Variants in TMC1 observed in about 807,000 individuals in gnomAD.
TMC1 encodes the protein transmembrane channel like 1, also known as transmembrane channel-like protein 1.
In TMC1, 84 loss-of-function variants were observed where a neutral mutation model predicts 105.8. The observed-to-expected ratio is 0.79, with a 90% CI of 0.67 to 0.95. The LOEUF is 0.95. TMC1 is among the 40% of genes least tolerant of loss of function. TMC1 has a pLI of 0.00. For missense variants in TMC1, 817 were observed against 914.1 expected (o/e 0.89, Z 1.37); for synonymous variants, 315 against 311.5 (o/e 1.01, Z -0.12).
chr9:72,540,440 C>T (rs1044888784), intron 1 of TMC1, among the ~76,000 whole-genome samples: 1 of 152,072 alleles, frequency 6.6e-6, no homozygotes, highest in African/African-American at 2.4e-5. Context: ...GCAGACAGAC[C>T]AGCTTTCTGC....
intron 1 of TMC1, among the ~76,000 whole-genome samples, chr9:72,567,643 C>T (rs748210817): frequency 3.3e-5 from 5 of 152,158 alleles, no homozygotes; most frequent in Non-Finnish European, 5.9e-5. Flanking sequence ...AAGAACAGCA[C>T]GGGGGAAACC....
At chr9:72,725,202 G>A (rs1485160617) in intron 8 of TMC1, among the ~76,000 whole-genome samples, 2 of 151,172 alleles carry the variant, frequency 1.3e-5, no homozygotes, top group Non-Finnish European at 2.9e-5. Flanking sequence ...GATAAAAGTA[G>A]TTAAACTTTA....
chr9:72,551,442 C>G (rs1395933223), intron 1 of TMC1, among the ~76,000 whole-genome samples: 2 of 152,168 alleles, frequency 1.3e-5, no homozygotes, highest in African/African-American at 4.8e-5. Context: ...GGTAAGGGCA[C>G]TATGAGCCCA....
At chr9:72,657,309 T>C (rs1372358954) in intron 5 of TMC1, among the ~76,000 whole-genome samples, 1 of 152,216 alleles carries the variant, frequency 6.6e-6, no homozygotes, top group Non-Finnish European at 1.5e-5. Context: ...TCCTTCCCTT[T>C]CAGAGATCAC....
At chr9:72,678,512 C>T (rs1466756725) in intron 5 of TMC1, among the ~76,000 whole-genome samples, 1 of 151,964 alleles carries the variant, frequency 6.6e-6, no homozygotes, top group African/African-American at 2.4e-5. Flanking sequence ...CCTCAGGTTT[C>T]TCACCAGTAA....
intron 6 of TMC1, among the ~76,000 whole-genome samples, chr9:72,694,066 T>G (rs1826510806): frequency 6.6e-6 from 1 of 152,164 alleles, no homozygotes; most frequent in African/African-American, 2.4e-5. Context: ...TTGAATGAAT[T>G]TCTCCAAAAT....
At chr9:72,674,637 CAAAGCCCAGGAA>C (rs1358558947) in intron 5 of TMC1, among the ~76,000 whole-genome samples, 3 of 152,194 alleles carry the variant, frequency 2.0e-5, no homozygotes, top group Non-Finnish European at 4.4e-5. Context: ...TCTCTGTGGG[CAAAGCCCAGGAA>C]TCTGTGTTTT....
chr9:72,671,862 T>C (rs2132169395), intron 5 of TMC1, among the ~76,000 whole-genome samples: 1 of 152,374 alleles, frequency 6.6e-6, no homozygotes, highest in South Asian at 2.1e-4. Context: ...TATCAATCAT[T>C]ATTTATTCAA....
At chr9:72,675,324 C>A (rs959868600) in intron 5 of TMC1, among the ~76,000 whole-genome samples, 3 of 152,074 alleles carry the variant, frequency 2.0e-5, no homozygotes, top group African/African-American at 7.2e-5. Context: ...AGTCATTTCT[C>A]CTGTCATCTG....
At chr9:72,791,839 A>G (rs745885242) in intron 15 of TMC1, 47 bp from the exon 16 acceptor site, 1 of 1,549,664 alleles carries the variant, frequency 6.5e-7, no homozygotes, top group South Asian at 1.1e-5. Context: ...AAGCAATAAT[A>G]ACTTTAAACA....
At chr9:72,744,666 C>G (rs1827459082) in intron 10 of TMC1, among the ~76,000 whole-genome samples, 1 of 152,158 alleles carries the variant, frequency 6.6e-6, no homozygotes, top group South Asian at 2.1e-4. Context: ...AATTGTAGGG[C>G]TGAGTCTTGA....
Position 72,774,186 on chromosome 9 carries a change from T to C in TMC1, c.884+1631T>C, listed in dbSNP as rs567783040. ...ATGCAGTTGTACATCAGTAGATTTG[T>C]ATATTTAATAAATGATTTTCTGGCA... On this transcript the variant is annotated intron_variant, in intron 13 of 23. Transcript: ENST00000297784. Among the ~76,000 whole-genome samples the C allele has an allele frequency of 7.4e-4, 112 of 152,324 alleles. 4 individuals are homozygous for C. The South Asian group carries it at 0.022, about 30-fold the overall frequency.
intron 20 of TMC1, among the ~76,000 whole-genome samples, chr9:72,823,478 T>TTTCC (rs1185579066): frequency 2.0e-5 from 3 of 152,218 alleles, no homozygotes; most frequent in African/African-American, 7.2e-5. Flanking sequence ...GGCTAGTTGC[T>TTTCC]CTCCAGTGTA....
At chr9:72,592,671 C>T (rs1236937045) in intron 2 of TMC1, among the ~76,000 whole-genome samples, 1 of 152,196 alleles carries the variant, frequency 6.6e-6, no homozygotes, top group Admixed American at 6.5e-5. Flanking sequence ...TAAATGGCCA[C>T]CTCTCCTGCT....
intron 5 of TMC1, among the ~76,000 whole-genome samples, chr9:72,676,198 C>A (rs1047315948): frequency 6.6e-6 from 1 of 152,096 alleles, no homozygotes; most frequent in Non-Finnish European, 1.5e-5. Context: ...TTAATAAATA[C>A]CAATTTAGGG....
At chr9:72,644,564 A>G (rs1440745934) in intron 4 of TMC1, among the ~76,000 whole-genome samples, 1 of 152,062 alleles carries the variant, frequency 6.6e-6, no homozygotes, top group African/African-American at 2.4e-5. Flanking sequence ...TCATTTGCCT[A>G]TATATGTGTG....
At chr9:72,717,519 G>A (rs922936228) in intron 8 of TMC1, among the ~76,000 whole-genome samples, 4 of 152,078 alleles carry the variant, frequency 2.6e-5, no homozygotes, top group African/African-American at 9.7e-5. Context: ...AATTCTCTTG[G>A]CCTTTGTCTG....
intron 8 of TMC1, among the ~76,000 whole-genome samples, chr9:72,718,743 G>A (rs1826964904): frequency 6.6e-6 from 1 of 152,192 alleles, no homozygotes; most frequent in Admixed American, 6.5e-5. Context: ...GGAGGATCAG[G>A]TGGTGGGTGG....
At position 72,788,466 on chromosome 9, in the gene TMC1, A is replaced by G. The variant is rs1321205350; in HGVS notation, c.1012A>G (p.Ile338Val). ...PETADNKFNS[I>V]TMNFKEAITE... ...AACAGCAGACAACAAATTTAATTCT[A>G]TCACAATGAACTTTAAGGTAGAGGC... The change falls in exon 14 of 24, where the codon ATC becomes GTC. Residue 338 changes from isoleucine (I) to valine (V), a missense_variant. Ile to Val is a conservative substitution (Grantham distance 29, BLOSUM62 3). Coordinates refer to ENST00000297784, the MANE Select transcript of TMC1 (RefSeq NM_138691.3). The G allele has an allele frequency of 1.9e-6, 3 of 1,614,010 alleles. No individual in the cohort carries two copies. The highest frequency in any genetic ancestry group is 1.1e-5 in the South Asian group (1 of 91,072).
Sources: allele counts gnomAD v4.1 joint callset (sites outside exome capture counted in the v4.1 genomes callset), GRCh38; gene constraint gnomAD v4.1.1; transcripts MANE v1.5; gene names NCBI Gene and HGNC (gene_info 2026-07-23, HGNC 2026-07-21).